DOCK2: variants seen among roughly 807,000 people sequenced by gnomAD.
The protein encoded by DOCK2 is dedicator of cytokinesis 2, also known as dedicator of cytokinesis protein 2.
Under a neutral mutation model 248.9 loss-of-function variants are expected in DOCK2, and 87 were observed. The ratio of observed to expected loss-of-function variants is 0.35; its 90% CI spans 0.29 to 0.42. The LOEUF is 0.42. Among genes scored for constraint, DOCK2 ranks in the 10% least tolerant of loss-of-function variants. The pLI is 1.00. For missense variants in DOCK2, 1,747 were observed against 2,300.2 expected, an observed-to-expected ratio of 0.76 and a Z score of 4.92; for synonymous variants, 805 against 821.6, an observed-to-expected ratio of 0.98 and a Z score of 0.35.
intron 23 of DOCK2, among the ~76,000 whole-genome samples, chr5:169,750,696 C>T (rs1022060729): frequency 2.0e-5 from 3 of 152,202 alleles, no homozygotes; most frequent in Non-Finnish European, 4.4e-5. Context: ...GGGGCTTCAT[C>T]TCTTTTTCAA....
chr5:169,947,002 C>A (rs1202692459), intron 27 of DOCK2, among the ~76,000 whole-genome samples: 1 of 152,168 alleles, frequency 6.6e-6, no homozygotes, highest in African/African-American at 2.4e-5. Context: ...TGGAGAGGAG[C>A]GCTGAGTATA....
At chr5:169,774,938 T>C (rs1051243533) in intron 25 of DOCK2, among the ~76,000 whole-genome samples, 4 of 152,168 alleles carry the variant, frequency 2.6e-5, no homozygotes, top group Non-Finnish European at 4.4e-5. Context: ...AGACAGAGTC[T>C]CATTCTGTCA....
chr5:170,024,090 C>A (rs1369384842), intron 33 of DOCK2, among the ~76,000 whole-genome samples: 2 of 152,218 alleles, frequency 1.3e-5, no homozygotes, highest in African/African-American at 4.8e-5. Context: ...CTCCTCCTTT[C>A]TCGATTAGAG....
chr5:169,739,178 TC>T (rs748127227), intron 22 of DOCK2, among the ~76,000 whole-genome samples: 3 of 152,238 alleles, frequency 2.0e-5, no homozygotes, highest in Non-Finnish European at 4.4e-5. Flanking sequence ...AGGATGAAGT[TC>T]AATGCTCTTG....
intron 10 of DOCK2, among the ~76,000 whole-genome samples, chr5:169,696,247 C>T (rs1201894142): frequency 6.6e-6 from 1 of 152,152 alleles, no homozygotes; most frequent in East Asian, 1.9e-4. Flanking sequence ...ACAATACAGG[C>T]AGGATCTAAT....
At chr5:169,823,877 GT>G (rs1333577897) in intron 26 of DOCK2, among the ~76,000 whole-genome samples, 3 of 152,252 alleles carry the variant, frequency 2.0e-5, no homozygotes, top group African/African-American at 7.2e-5. Flanking sequence ...AAACCCCATT[GT>G]CTCAGCCCAA....
chr5:169,897,359 T>C (rs983967886), intron 27 of DOCK2, among the ~76,000 whole-genome samples: 4 of 152,144 alleles, frequency 2.6e-5, no homozygotes, highest in African/African-American at 9.7e-5. Context: ...TAACCATTTT[T>C]GTATTTTTTT....
chr5:169,740,755 C>G (rs1763263359), intron 22 of DOCK2, among the ~76,000 whole-genome samples: 1 of 152,210 alleles, frequency 6.6e-6, no homozygotes, highest in Non-Finnish European at 1.5e-5. Flanking sequence ...TGCTCTTTCT[C>G]TTCTGACAGA....
intron 26 of DOCK2, among the ~76,000 whole-genome samples, chr5:169,815,844 C>T (rs17645897): frequency 0.084 from 12,708 of 151,998 alleles, 577 homozygotes; most frequent in African/African-American, 0.093. Context: ...AATGGCGTGG[C>T]GGCTTGGAGG....
chr5:169,661,618 C>G (rs1330909654), intron 2 of DOCK2, among the ~76,000 whole-genome samples: 1 of 152,130 alleles, frequency 6.6e-6, no homozygotes, highest in Non-Finnish European at 1.5e-5. Context: ...CATTTCATTC[C>G]TCCCATCCCC....
At chr5:169,904,533 G>A (rs1025325421) in intron 27 of DOCK2, among the ~76,000 whole-genome samples, 2 of 152,038 alleles carry the variant, frequency 1.3e-5, no homozygotes, top group African/African-American at 4.8e-5. Flanking sequence ...GTGGGAAGGG[G>A]TTGGCAGAGA....
At chr5:169,863,661 T>C (rs1162136936) in intron 27 of DOCK2, among the ~76,000 whole-genome samples, 2 of 152,222 alleles carry the variant, frequency 1.3e-5, no homozygotes, top group Non-Finnish European at 2.9e-5. Flanking sequence ...GCATGCACCA[T>C]GAGATGACAG....
chr5:169,900,398 T>C (rs879621104), intron 27 of DOCK2, among the ~76,000 whole-genome samples: 1 of 152,082 alleles, frequency 6.6e-6, no homozygotes, highest in Non-Finnish European at 1.5e-5. Flanking sequence ...AAATGGAAGT[T>C]TTTCCTTCCA....
At chr5:169,941,484 G>T (rs533924988) in intron 27 of DOCK2, among the ~76,000 whole-genome samples, 1 of 152,296 alleles carries the variant, frequency 6.6e-6, no homozygotes, top group South Asian at 2.1e-4. Flanking sequence ...TACTGCAGGT[G>T]CAAAGGCCCC....
At chr5:169,751,095 A>G (rs984818970) in intron 23 of DOCK2, among the ~76,000 whole-genome samples, 2 of 152,220 alleles carry the variant, frequency 1.3e-5, no homozygotes, top group East Asian at 3.8e-4. Flanking sequence ...AATATATGTG[A>G]AACCTGAAGT....
At chr5:169,864,026 G>A (rs1200810742) in intron 27 of DOCK2, among the ~76,000 whole-genome samples, 3 of 152,264 alleles carry the variant, frequency 2.0e-5, no homozygotes, top group East Asian at 3.9e-4. Context: ...AGTGTGACAG[G>A]GAACTTGGCA....
rs572986220 is a variant in DOCK2 at position 169,769,094 on chromosome 5, T to G, written c.2554+7469T>G. On this transcript the variant is annotated intron_variant, in intron 25 of 51. Transcript: ENST00000520908. ...TCTGTGCAAAGAAAATGAAGCTGCT[T>G]CTTTTTGTTTTTAATCTAATTTAAT... Among the ~76,000 whole-genome samples the G allele has an allele frequency of 6.5e-4, 99 of 152,320 alleles. 2 individuals carry two copies. The highest frequency in any genetic ancestry group is 6.3e-3 in the Admixed American group (97 of 15,304).
rs1402589206 is a variant in DOCK2, at chr5:170,082,982, G to C, written c.*124G>C. ...TGTCCCCATCAGTTGTCCTTACTTAGAGGAGACAGAGAGGCCAATCAGGTC... is the reference window on the plus strand; with the variant it reads ...TGTCCCCATCAGTTGTCCTTACTTACAGGAGACAGAGAGGCCAATCAGGTC... On this transcript the variant is annotated 3_prime_UTR_variant, in exon 52 of 52. Coordinates refer to ENST00000520908, the MANE Select transcript of DOCK2 (RefSeq NM_004946.3). 5 of 1,278,420 alleles carry C rather than the reference G, an allele frequency of 3.9e-6. No homozygotes were observed. The highest frequency in any genetic ancestry group is 5.5e-6 in the Non-Finnish European group (5 of 908,866). The allele number at this position is 1,278,420 out of a possible 1,614,324, so 79.2% of individuals were successfully genotyped here. A position where few individuals can be genotyped will look rare whatever the true frequency, so the allele number is the denominator to read the frequency against.
intron 25 of DOCK2, 29 bp downstream of exon 25, chr5:169,761,654 G>A (rs1244170460): frequency 6.3e-7 from 1 of 1,597,592 alleles, no homozygotes; most frequent in Admixed American, 1.7e-5. Flanking sequence ...TGCTGGGGTG[G>A]GGTAAGGGGC....
Sources: gnomAD v4.1 joint callset for allele counts (sites outside exome capture counted in the v4.1 genomes callset) on GRCh38, gnomAD v4.1.1 for gene constraint, MANE v1.5 for transcripts, NCBI Gene and HGNC (gene_info 2026-07-23, HGNC 2026-07-21) for gene names.